Variants in HEMK2 observed in about 807,000 individuals in gnomAD.
The protein encoded by HEMK2 is HemK methyltransferase 2, ETF1 glutamine and histone H4 lysine.
At chr21:28,730,864 AT>A in the HEMK2 span, among the ~76,000 whole-genome samples, 1 of 152,024 alleles carries the variant, frequency 6.6e-6, no homozygotes, top group South Asian at 2.1e-4. Context: ...AGAGGAAGAG[AT>A]TATACATGTG....
chr21:28,670,154 C>T, the HEMK2 span, among the ~76,000 whole-genome samples: 86 of 152,040 alleles, frequency 5.7e-4, no homozygotes, highest in Non-Finnish European at 9.4e-4. Context: ...AAATACTCTG[C>T]AATGGAAGCA....
At chr21:28,754,406 T>C in the HEMK2 span, among the ~76,000 whole-genome samples, 2,499 of 152,298 alleles carry the variant, frequency 0.016, 73 homozygotes, top group African/African-American at 0.056. Flanking sequence ...GGTCTGACAT[T>C]ACTCAGCAGC....
chr21:28,630,943 T>TA, the HEMK2 span, among the ~76,000 whole-genome samples: 2 of 151,958 alleles, frequency 1.3e-5, no homozygotes, highest in South Asian at 2.1e-4. Flanking sequence ...AATAAAATTT[T>TA]AAAAAAAGAA....
the HEMK2 span, among the ~76,000 whole-genome samples, chr21:28,720,106 T>A: frequency 6.6e-6 from 1 of 152,226 alleles, no homozygotes; most frequent in South Asian, 2.1e-4. Flanking sequence ...GTCTAGTATA[T>A]GTGTTAGGCA....
At chr21:28,651,021 CAAGAG>C in the HEMK2 span, among the ~76,000 whole-genome samples, 2 of 152,222 alleles carry the variant, frequency 1.3e-5, no homozygotes, top group Non-Finnish European at 2.9e-5. Context: ...AAAATATTGT[CAAGAG>C]GAGAGGAGAC....
chr21:28,847,314 T>A, the HEMK2 span, among the ~76,000 whole-genome samples: 9 of 152,322 alleles, frequency 5.9e-5, no homozygotes, highest in African/African-American at 2.2e-4. Context: ...TAATAGCCAT[T>A]CTGCCTGATG....
chr21:28,717,877 G>A, the HEMK2 span, among the ~76,000 whole-genome samples: 1 of 152,012 alleles, frequency 6.6e-6, no homozygotes, highest in African/African-American at 2.4e-5. Flanking sequence ...CTTCAAAAAA[G>A]CATTTTGGTT....
the HEMK2 span, among the ~76,000 whole-genome samples, chr21:28,707,866 C>T: frequency 6.6e-6 from 1 of 152,068 alleles, no homozygotes; most frequent in Non-Finnish European, 1.5e-5. Context: ...TGAATATATA[C>T]AATCTTTATT....
chr21:28,836,101 G>C, the HEMK2 span, among the ~76,000 whole-genome samples: 1 of 152,168 alleles, frequency 6.6e-6, no homozygotes, highest in Non-Finnish European at 1.5e-5. Flanking sequence ...AGCCTTGCTA[G>C]AGACATAGAC....
chr21:28,848,662 T>C, the HEMK2 span, among the ~76,000 whole-genome samples: 150 of 151,778 alleles, frequency 9.9e-4, no homozygotes, highest in Non-Finnish European at 1.8e-3. Context: ...CAAACTCCTT[T>C]AGGCATCTAT....
the HEMK2 span, among the ~76,000 whole-genome samples, chr21:28,643,548 T>G: frequency 0.016 from 2,437 of 152,204 alleles, 66 homozygotes; most frequent in African/African-American, 0.054. Context: ...GGCAAGGTCA[T>G]GCACACCTGT....
the HEMK2 span, among the ~76,000 whole-genome samples, chr21:28,721,216 A>G: frequency 6.6e-6 from 1 of 152,110 alleles, no homozygotes; most frequent in Non-Finnish European, 1.5e-5. Flanking sequence ...CCAGGGCTCC[A>G]TCCATCCTCC....
the HEMK2 span, among the ~76,000 whole-genome samples, chr21:28,636,974 C>T: frequency 6.6e-6 from 1 of 152,150 alleles, no homozygotes; most frequent in Admixed American, 6.5e-5. Flanking sequence ...CTTAAACAAG[C>T]TTTAAAAGTA....
chr21:28,850,155 CA>C, the HEMK2 span, among the ~76,000 whole-genome samples: 1 of 150,296 alleles, frequency 6.7e-6, no homozygotes, highest in Non-Finnish European at 1.5e-5. Context: ...GTCAGATGAA[CA>C]GCCAGCTTTT....
chr21:28,761,693 C>G, the HEMK2 span, among the ~76,000 whole-genome samples: 2 of 151,370 alleles, frequency 1.3e-5, no homozygotes, highest in Non-Finnish European at 2.9e-5. Flanking sequence ...TCTCTTCATT[C>G]TGTCTCCTCC....
At chr21:28,669,131 G>A in the HEMK2 span, among the ~76,000 whole-genome samples, 2 of 152,110 alleles carry the variant, frequency 1.3e-5, no homozygotes, top group Non-Finnish European at 2.9e-5. Flanking sequence ...GGCCAAGGTG[G>A]GCCAATCACT....
At chr21:28,584,952 G>C in the HEMK2 span, among the ~76,000 whole-genome samples, 1 of 152,136 alleles carries the variant, frequency 6.6e-6, no homozygotes, top group Non-Finnish European at 1.5e-5. Flanking sequence ...GATATGGATA[G>C]CACCCATGAA....
At chr21:28,596,560 A>C in the HEMK2 span, among the ~76,000 whole-genome samples, 2 of 152,210 alleles carry the variant, frequency 1.3e-5, no homozygotes. Context: ...CCCAGTAATT[A>C]CCAAGTCAGA....
chr21:28,676,162 G>C, the HEMK2 span, among the ~76,000 whole-genome samples: 2 of 152,146 alleles, frequency 1.3e-5, no homozygotes, highest in African/African-American at 2.4e-5. Context: ...CAGACTGGGT[G>C]GCTTCAACTA....
Sources: gnomAD v4.1 joint callset for allele counts (sites outside exome capture counted in the v4.1 genomes callset) on GRCh38, gnomAD v4.1.1 for gene constraint, MANE v1.5 for transcripts, NCBI Gene and HGNC (gene_info 2026-07-23, HGNC 2026-07-21) for gene names.